The following RNF111 variants were observed in gnomAD, a reference collection of about 807,000 sequenced individuals.
RNF111 encodes E3 ubiquitin-protein ligase Arkadia.
A neutral mutation model predicts 95.1 loss-of-function variants in RNF111; 17 were observed. That is an observed-to-expected ratio of 0.18 (90% CI 0.12 to 0.27). RNF111 has a LOEUF of 0.27. Among genes scored for constraint, RNF111 ranks in the 10% least tolerant of loss-of-function variants. The pLI, the probability that RNF111 is intolerant of heterozygous loss-of-function variation, is 1.00. For missense variants in RNF111, 1,189 were observed against 1,210.4 expected (o/e 0.98, Z 0.26); for synonymous variants, 440 against 414.8 (o/e 1.06, Z -0.74).
At chr15:59,008,477 C>G (rs1337126204) in intron 1 of RNF111, among the ~76,000 whole-genome samples, 2 of 152,230 alleles carry the variant, frequency 1.3e-5, no homozygotes, top group Admixed American at 6.5e-5. Flanking sequence ...GTCAGCCTCC[C>G]AAAGTGCTGG....
At chr15:59,072,936 C>T (rs1314628790) in intron 6 of RNF111, among the ~76,000 whole-genome samples, 1 of 151,174 alleles carries the variant, frequency 6.6e-6, no homozygotes, top group Non-Finnish European at 1.5e-5. Context: ...GCATTTGCTC[C>T]CAACACTTTG....
intron 1 of RNF111, among the ~76,000 whole-genome samples, chr15:59,004,547 G>A (rs1263215026): frequency 6.6e-6 from 1 of 152,166 alleles, no homozygotes; most frequent in Non-Finnish European, 1.5e-5. Flanking sequence ...ACATCAGTAT[G>A]CAGGATAATG....
At chr15:59,051,729 C>A (rs1447967391) in intron 2 of RNF111, among the ~76,000 whole-genome samples, 1 of 149,894 alleles carries the variant, frequency 6.7e-6, no homozygotes, top group African/African-American at 2.5e-5. Flanking sequence ...CCGAGATCAT[C>A]CCACTGCACT....
At chr15:59,081,321 C>T (rs1474371492) in intron 8 of RNF111, 37 bp downstream of exon 8, 8 of 1,553,156 alleles carry the variant, frequency 5.2e-6, no homozygotes, top group Non-Finnish European at 6.2e-6. Context: ...GTCAAGTTTG[C>T]TTTTTCTTCT....
chr15:59,092,476 TA>T lies in RNF111; in HGVS notation c.2740-60del, dbSNP rs1255623343. The T allele has an allele frequency of 1.2e-5, 19 of 1,538,036 alleles. 1 individual carries two copies. The African/African-American group carries it at 1.7e-4, about 14-fold the overall frequency. The stretch of plus-strand genomic sequence containing the variant: ...TTGTTTTTCAAATAAACACAGACTT[TA>T]CTCAGTTGTTCAATAATGTCATCTC... On this transcript the variant is annotated intron_variant, in intron 12 of 13. Transcript: ENST00000348370.
chr15:59,056,441 T>A (rs1275807681), intron 4 of RNF111, among the ~76,000 whole-genome samples: 2 of 152,154 alleles, frequency 1.3e-5, no homozygotes, highest in African/African-American at 4.8e-5. Context: ...GCCCACATAT[T>A]GGGAATCATC....
chr15:59,091,253 A>G (rs1484654341), intron 12 of RNF111, 99 bp downstream of exon 12: 2 of 634,408 alleles, frequency 3.2e-6, no homozygotes, highest in Non-Finnish European at 5.4e-6. Flanking sequence ...TGACATTTTT[A>G]TTGAAGTAAT....
At chr15:58,991,679 G>A (rs538453839) in intron 1 of RNF111, among the ~76,000 whole-genome samples, 7 of 152,272 alleles carry the variant, frequency 4.6e-5, no homozygotes, top group Admixed American at 6.5e-5. Context: ...TAGCAGGGGC[G>A]GCAAATGCAT....
At chr15:59,051,239 G>A (rs1566911753) in intron 2 of RNF111, among the ~76,000 whole-genome samples, 1 of 149,160 alleles carries the variant, frequency 6.7e-6, no homozygotes, top group Non-Finnish European at 1.5e-5. Context: ...GGATCATGAG[G>A]TCAGGAGATC....
intron 6 of RNF111, among the ~76,000 whole-genome samples, chr15:59,072,541 C>T (rs796950655): frequency 4.9e-4 from 74 of 149,638 alleles, no homozygotes; most frequent in African/African-American, 1.8e-3. Flanking sequence ...GAAAGCTCCA[C>T]CTCCCAGGTT....
intron 2 of RNF111, among the ~76,000 whole-genome samples, chr15:59,046,842 A>G (rs530047610): frequency 2.0e-5 from 3 of 152,308 alleles, no homozygotes; most frequent in African/African-American, 7.2e-5. Context: ...ACTTGTATTC[A>G]GGATATATAA....
intron 1 of RNF111, among the ~76,000 whole-genome samples, chr15:59,020,420 C>T (rs1315050160): frequency 1.3e-5 from 2 of 151,958 alleles, no homozygotes; most frequent in African/African-American, 4.8e-5. Context: ...GTAGTGCTGC[C>T]ACCCTACCAA....
chr15:59,044,047 G>A (rs1432054150), intron 2 of RNF111, among the ~76,000 whole-genome samples: 1 of 151,956 alleles, frequency 6.6e-6, no homozygotes, highest in African/African-American at 2.4e-5. Flanking sequence ...TCTGGTGGGG[G>A]GAGACAGAGT....
At chr15:59,084,075 A>G (rs748669590) in intron 8 of RNF111, 54 bp from the exon 9 acceptor site, 9 of 1,505,368 alleles carry the variant, frequency 6.0e-6, no homozygotes, top group African/African-American at 1.4e-5. Flanking sequence ...TAAGAAAAGA[A>G]ATAACCAATT....
At chr15:59,063,352 T>C (rs1386919403) in intron 5 of RNF111, among the ~76,000 whole-genome samples, 4 of 152,180 alleles carry the variant, frequency 2.6e-5, no homozygotes, top group African/African-American at 7.2e-5. Flanking sequence ...GACTTTATTA[T>C]GTGTAAGACT....
At chr15:59,067,104 T>C (rs183939239) in intron 6 of RNF111, 21 bp downstream of exon 6, 44 of 1,595,254 alleles carry the variant, frequency 2.8e-5, no homozygotes, top group Admixed American at 5.0e-5. Flanking sequence ...TTTGAGTCAG[T>C]CTTTCTTTCC....
chr15:59,008,093 T>C (rs1283223811), intron 1 of RNF111, among the ~76,000 whole-genome samples: 1 of 152,220 alleles, frequency 6.6e-6, no homozygotes, highest in Admixed American at 6.5e-5. Context: ...TCACATAAAC[T>C]TTCTGCTGTG....
intron 8 of RNF111, among the ~76,000 whole-genome samples, chr15:59,082,043 A>G (rs545011865): frequency 1.3e-5 from 2 of 152,316 alleles, no homozygotes; most frequent in African/African-American, 4.8e-5. Flanking sequence ...ATGCCACTGC[A>G]CTGCAGCCTG....
Position 59,058,436 on chromosome 15 carries a change from A to G in RNF111, c.1252A>G (p.Thr418Ala), listed in dbSNP as rs1596231923. The G allele has an allele frequency of 1.9e-6, 3 of 1,614,000 alleles. No individual in the cohort carries two copies. Among genetic ancestry groups the G allele is most frequent in the Non-Finnish European group, 2.5e-6 (3 of 1,179,986 alleles). Residue 418 changes from threonine to alanine, a missense_variant, in exon 5 of 14, where the codon ACC becomes GCC. Physicochemically the swap from Thr to Ala is moderately conservative, Grantham distance 58. Coordinates refer to ENST00000348370, the MANE Select transcript of RNF111 (RefSeq NM_017610.8). ...SASINNSNPSTSEQASDTASA... is the reference protein window; with the variant it reads ...SASINNSNPSASEQASDTASA... ...TTCCATTAACAATTCAAATCCATCT[A>G]CCTCTGAGCAGGCCTCTGATACTGC... is the stretch of plus-strand genomic sequence containing the variant.
Sources: allele counts gnomAD v4.1 joint callset (sites outside exome capture counted in the v4.1 genomes callset), GRCh38; gene constraint gnomAD v4.1.1; transcripts MANE v1.5; gene names NCBI Gene and HGNC (gene_info 2026-07-23, HGNC 2026-07-21).